CEP290: variants seen among roughly 807,000 people sequenced by gnomAD.
The protein encoded by CEP290 is centrosomal protein 290.
In CEP290, 317 loss-of-function variants were observed where a neutral mutation model predicts 344.9. That is an observed-to-expected ratio of 0.92 (90% CI 0.84 to 1.01). The LOEUF (loss-of-function observed/expected upper bound fraction) is 1.01. CEP290 is among the 50% of genes least tolerant of loss of function. The pLI is 0.00. For missense variants in CEP290, 2,754 were observed against 2,761.4 expected, an observed-to-expected ratio of 1.00 and a Z score of 0.06; for synonymous variants, 932 against 895.8, an observed-to-expected ratio of 1.04 and a Z score of -0.72.
intron 36 of CEP290, 100 bp from the exon 37 acceptor site, chr12:88,083,330 C>A (rs2036330952): frequency 1.6e-6 from 1 of 631,606 alleles, no homozygotes; most frequent in Non-Finnish European, 2.5e-6. Flanking sequence ...AATATAATAT[C>A]TAATCTAAAA....
At chr12:88,095,898 C>T (rs2037389913) in intron 27 of CEP290, among the ~76,000 whole-genome samples, 1 of 152,130 alleles carries the variant, frequency 6.6e-6, no homozygotes, top group Admixed American at 6.5e-5. Context: ...GATTTCAATA[C>T]CTTCTGAGAC....
intron 13 of CEP290, among the ~76,000 whole-genome samples, chr12:88,121,813 A>G (rs1216025967): frequency 6.6e-6 from 1 of 152,054 alleles, no homozygotes; most frequent in Non-Finnish European, 1.5e-5. Context: ...ATCCTGCCCT[A>G]GTTGCTTCAA....
intron 44 of CEP290, among the ~76,000 whole-genome samples, chr12:88,065,245 C>T (rs1437011015): frequency 6.6e-6 from 1 of 151,968 alleles, no homozygotes; most frequent in East Asian, 1.9e-4. Flanking sequence ...ACTCCACCGA[C>T]ATTATGGGTC....
Position 88,093,986 on chromosome 12 carries a change from T to A in CEP290, c.3104-11A>T, listed in dbSNP as rs774438697. On this transcript the variant is annotated splice_polypyrimidine_tract_variant and intron_variant, in intron 27 of 53. Transcript: ENST00000552810. ...TGCTAGATTCATTACCTACATGCAA[T>A]AATATTTAAGTCAATCTCATGCTGT... 2.1e-5 allele frequency: 33 copies of A among 1,577,048 alleles called. No homozygotes were observed. The highest frequency in any genetic ancestry group is 2.8e-5 in the Non-Finnish European group (33 of 1,159,618).
chr12:88,115,363 G>A, intron 18 of CEP290, 181 bp from the exon 19 acceptor site: 1 of 697,572 alleles, frequency 1.4e-6, no homozygotes, highest in Non-Finnish European at 2.3e-6. Flanking sequence ...AGCAGATGGT[G>A]ATCTTAATCC....
chr12:88,097,606 C>T (rs1245696918), intron 26 of CEP290, among the ~76,000 whole-genome samples: 1 of 98,716 alleles, frequency 1.0e-5, no homozygotes, highest in Non-Finnish European at 2.2e-5. Context: ...CACACACACA[C>T]ACATACACAC....
At chr12:88,130,128 AT>A in intron 9 of CEP290, 139 bp downstream of exon 9, 1 of 993,460 alleles carries the variant, frequency 1.0e-6, no homozygotes, top group Non-Finnish European at 1.4e-6. Context: ...CAAAGATGTA[AT>A]TTATTTCACA....
rs1039146791 is a variant in CEP290 at position 88,062,786 on chromosome 12, A to C, written c.6271-8T>G. On this transcript the variant is annotated splice_polypyrimidine_tract_variant and splice_region_variant and intron_variant, in intron 45 of 53. Coordinates refer to ENST00000552810, the MANE Select transcript of CEP290 (RefSeq NM_025114.4). ...CAAATCTCTGACTTGATTCTGAAAG[A>C]TAACAAGCAAACATGTAATAATTTA... The C allele has an allele frequency of 2.0e-6, 3 of 1,519,698 alleles. No homozygotes were observed. Among genetic ancestry groups the C allele is most frequent in the Admixed American group, 3.8e-5 (2 of 52,804 alleles). The allele number at this position is 1,519,698 out of a possible 1,614,324, so 94.1% of individuals were successfully genotyped here.
At position 88,049,161 on chromosome 12, in the gene CEP290, G is replaced by T; in HGVS notation, c.*23C>A. On this transcript the variant is annotated 3_prime_UTR_variant, in exon 54 of 54. Coordinates refer to ENST00000552810, the MANE Select transcript of CEP290 (RefSeq NM_025114.4). ...TTATAAAGTTAATAAATAGTTAAAT[G>T]AAACAAAGTTTATAGGTGACCTTTA... 1 of 1,412,102 alleles carries T rather than the reference G, an allele frequency of 7.1e-7. No individual in the cohort carries two copies. The highest frequency in any genetic ancestry group is 9.7e-7 in the Non-Finnish European group (1 of 1,025,798). 87.5% of individuals were successfully genotyped at this position (1,412,102 alleles called of 1,614,324 possible). A position where few individuals can be genotyped will look rare whatever the true frequency, so the allele number is the denominator to read the frequency against.
intron 48 of CEP290, 70 bp downstream of exon 48, chr12:88,059,828 C>T: frequency 7.8e-7 from 1 of 1,287,616 alleles, no homozygotes; most frequent in Non-Finnish European, 1.1e-6. Context: ...CAAGGATCTA[C>T]TTCCAGTTTT....
At position 88,090,723 on chromosome 12, in the gene CEP290, C is replaced by T. The variant is rs974204266; in HGVS notation, c.3573+5G>A. 2.0e-6 allele frequency: 3 copies of T among 1,503,462 alleles called. No individual in the cohort carries two copies. The highest frequency in any genetic ancestry group is 1.4e-5 in the African/African-American group (1 of 72,554). 93.1% of individuals were successfully genotyped at this position (1,503,462 alleles called of 1,614,324 possible). On this transcript the variant is annotated splice_donor_5th_base_variant and intron_variant, in intron 30 of 53. Coordinates refer to ENST00000552810, the MANE Select transcript of CEP290 (RefSeq NM_025114.4). ...TCTATGTAGAAGAGCCAATACTGCACATACCTGATAGTCTAGCAGTTGCAT... is the reference window on the plus strand; with the variant it reads ...TCTATGTAGAAGAGCCAATACTGCATATACCTGATAGTCTAGCAGTTGCAT...
intron 43 of CEP290, among the ~76,000 whole-genome samples, chr12:88,070,589 A>G (rs557348599): frequency 6.6e-6 from 1 of 152,110 alleles, no homozygotes; most frequent in African/African-American, 2.4e-5. Context: ...TGGGAGGGAA[A>G]TCTCCAATTG....
chr12:88,078,924 T>C (rs1195615156), intron 39 of CEP290, among the ~76,000 whole-genome samples, 168 bp downstream of exon 39: 2 of 152,166 alleles, frequency 1.3e-5, no homozygotes, highest in African/African-American at 4.8e-5. Context: ...TAAATGAGTA[T>C]CATAAAGAGA....
In CEP290 at chr12:88,068,874, T is replaced by A. The variant is rs1415761888; in HGVS notation, c.6012-229A>T. ...CTGAAGGCCTCCTTTAAATGATGAG[T>A]CAAAAAGTATATTTTGATTTACTGA... On this transcript the variant is annotated intron_variant, in intron 43 of 53. Coordinates refer to ENST00000552810, the MANE Select transcript of CEP290 (RefSeq NM_025114.4). Among the ~76,000 whole-genome samples, 4 of 152,124 alleles carry A rather than the reference T, an allele frequency of 2.6e-5. No homozygotes were observed. The East Asian group carries it at 7.7e-4, about 29-fold the overall frequency.
At position 88,106,816 on chromosome 12, in the gene CEP290, AT is replaced by A. The variant is rs2038316176; in HGVS notation, c.2675del (p.Asn892MetfsTer6). On this transcript the variant is annotated frameshift_variant, in exon 25 of 54. Coordinates refer to ENST00000552810, the MANE Select transcript of CEP290 (RefSeq NM_025114.4). LOFTEE classifies it high-confidence loss of function. The part of the protein sequence containing the change: ...NSRKITVLQV[N>X]EKSLIRQYTT... ...TATATTGCCTTATAAGTGATTTTTC[AT>A]TCACTTGCAAAACAGTAATTTTCCT... The A allele has an allele frequency of 6.2e-7, 1 of 1,608,428 alleles. No individual in the cohort carries two copies. The highest frequency in any genetic ancestry group is 1.7e-5 in the Admixed American group (1 of 59,296).
chr12:88,114,865 C>G (rs2038943560), intron 19 of CEP290, among the ~76,000 whole-genome samples: 1 of 151,850 alleles, frequency 6.6e-6, no homozygotes. Context: ...GAAGAACACA[C>G]AAGAAAAAGG....
intron 32 of CEP290, among the ~76,000 whole-genome samples, chr12:88,086,916 C>T (rs912873917): frequency 1.3e-5 from 2 of 152,148 alleles, no homozygotes; most frequent in African/African-American, 2.4e-5. Context: ...GTTACAAGCA[C>T]TTTGGAGAAA....
In CEP290 at chr12:88,054,938, T is replaced by C. The variant is rs1322037084; in HGVS notation, c.6961-525A>G. ...ATAAGGACTTGACGCTTAAACGAGT[T>C]TGGATTGTTTAAAGTACTGAAAGAA... On this transcript the variant is annotated intron_variant, in intron 50 of 53. Coordinates refer to ENST00000552810, the MANE Select transcript of CEP290 (RefSeq NM_025114.4). Among the ~76,000 whole-genome samples the C allele has an allele frequency of 2.6e-5, 4 of 152,198 alleles. No individual in the cohort carries two copies. In the South Asian group the frequency reaches 8.3e-4, roughly 32 times the overall value.
chr12:88,070,718 G>A (rs924304086), intron 43 of CEP290, among the ~76,000 whole-genome samples: 2 of 152,098 alleles, frequency 1.3e-5, no homozygotes, highest in Non-Finnish European at 2.9e-5. Context: ...GCATCACTGG[G>A]TAACTAAAGC....
Sources: allele counts gnomAD v4.1 joint callset (sites outside exome capture counted in the v4.1 genomes callset), GRCh38; gene constraint gnomAD v4.1.1; transcripts MANE v1.5; gene names NCBI Gene and HGNC (gene_info 2026-07-23, HGNC 2026-07-21).